Variants in TLE1 observed in about 807,000 individuals in gnomAD.
TLE1 encodes transducin-like enhancer protein 1.
Under a neutral mutation model 89.8 loss-of-function variants are expected in TLE1, and 21 were observed. The observed-to-expected ratio is 0.23, with a 90% CI of 0.17 to 0.34. The LOEUF (loss-of-function observed/expected upper bound fraction) is 0.34, where lower values mean the gene tolerates loss of function less well. TLE1 is among the 10% of genes least tolerant of loss of function. The pLI, the probability that TLE1 is intolerant of heterozygous loss-of-function variation, is 1.00. For synonymous variants in TLE1, 447 were observed against 407.6 expected (o/e 1.10, Z -1.16); for missense variants, 795 against 1,031.2 (o/e 0.77, Z 3.14).
At chr9:81,686,217 G>A (rs919964386) in intron 2 of TLE1, among the ~76,000 whole-genome samples, 1 of 152,140 alleles carries the variant, frequency 6.6e-6, no homozygotes, top group African/African-American at 2.4e-5. Flanking sequence ...TTGTTTCTCT[G>A]TACTCCACCA....
At chr9:81,644,311 G>A (rs1464489198) in intron 6 of TLE1, among the ~76,000 whole-genome samples, 9 of 152,128 alleles carry the variant, frequency 5.9e-5, no homozygotes, top group Admixed American at 5.9e-4. Flanking sequence ...CCAATCAGTG[G>A]AAATAACCTA....
Position 81,616,626 on chromosome 9 carries a change from T to C in TLE1, c.765+20A>G. The C allele has an allele frequency of 6.2e-7, 1 of 1,613,184 alleles. No individual in the cohort carries two copies. Among genetic ancestry groups the C allele is most frequent in the Non-Finnish European group, 8.5e-7 (1 of 1,179,522 alleles). On this transcript the variant is annotated intron_variant, in intron 10 of 19. Coordinates refer to ENST00000376499, the MANE Select transcript of TLE1 (RefSeq NM_005077.5). ...ATTCAAATCATTCTGAAGACAAACT[T>C]TGATGAAAAGAATGGTTACCTCATT...
chr9:81,613,404 C>G lies in TLE1; in HGVS notation c.1036G>C (p.Ala346Pro), dbSNP rs1823972740. ...GLRPGLGKPP[A>P]IDPLVNQAAA... ...GCTTGGTTAACGAGGGGGTCTATGG[C>G]TGGAGGCTTGCCGAGACCTGGACGG... Residue 346 changes from alanine to proline, a missense_variant, in exon 12 of 20, where the codon GCC (alanine) becomes CCC (proline). Ala to Pro is a conservative substitution (Grantham distance 27). Around this residue, in one of 4 missense-constraint regions of TLE1, gnomAD observed 468 missense variants for 509.1 expected, o/e 0.92. Coordinates refer to ENST00000376499, the MANE Select transcript of TLE1 (RefSeq NM_005077.5). 6.2e-7 allele frequency: 1 copy of G among 1,614,082 alleles called. No individual in the cohort carries two copies. The highest frequency in any genetic ancestry group is 8.5e-7 in the Non-Finnish European group (1 of 1,179,954).
chr9:81,636,786 C>T (rs553894846), intron 6 of TLE1, among the ~76,000 whole-genome samples: 3 of 152,060 alleles, frequency 2.0e-5, no homozygotes, highest in Non-Finnish European at 2.9e-5. Flanking sequence ...AAGTGGATCA[C>T]GAGGTCAGGA....
intron 8 of TLE1, among the ~76,000 whole-genome samples, chr9:81,626,494 T>A (rs1825923300): frequency 6.6e-6 from 1 of 152,182 alleles, no homozygotes; most frequent in Admixed American, 6.5e-5. Flanking sequence ...ATAAAACTAA[T>A]GAGATCCCCA....
chr9:81,612,184 A>C (rs1202539836), intron 12 of TLE1: 9 of 693,118 alleles, frequency 1.3e-5, no homozygotes, highest in Non-Finnish European at 1.6e-5. Flanking sequence ...CACAACCCAC[A>C]CATTTTCTCA....
intron 4 of TLE1, among the ~76,000 whole-genome samples, chr9:81,679,091 T>C (rs1833270532): frequency 6.6e-6 from 1 of 152,172 alleles, no homozygotes; most frequent in African/African-American, 2.4e-5. Flanking sequence ...GAGGCTGCAG[T>C]GAACCAAGAT....
chr9:81,634,123 T>G lies in TLE1; in HGVS notation c.551A>C (p.Lys184Thr). 1 of 1,609,430 alleles carries G rather than the reference T, an allele frequency of 6.2e-7. No individual in the cohort carries two copies. Among genetic ancestry groups the G allele is most frequent in the African/African-American group, 1.3e-5 (1 of 75,030 alleles). Residue 184 changes from lysine to threonine, a missense_variant, in exon 7 of 20, where the codon AAG becomes ACG. Coordinates refer to ENST00000376499, the MANE Select transcript of TLE1 (RefSeq NM_005077.5). ...QSHLAIKDDK[K>T]HHDAEHHRDR... The stretch of plus-strand genomic sequence containing the variant: ...TCTGTGGTGCTCTGCATCGTGGTGC[T>G]TCTTGTCATCTTTTATTGCCAAGTG...
chr9:81,596,104 A>G (rs1469826399), intron 14 of TLE1, among the ~76,000 whole-genome samples: 1 of 152,208 alleles, frequency 6.6e-6, no homozygotes, highest in Non-Finnish European at 1.5e-5. Context: ...TAAATGTTCC[A>G]GATTAAATAG....
intron 14 of TLE1, among the ~76,000 whole-genome samples, chr9:81,607,480 T>C (rs1831846459): frequency 6.6e-6 from 1 of 152,198 alleles, no homozygotes; most frequent in Admixed American, 6.5e-5. Context: ...AGTGGGGGCT[T>C]AGCAGCTGAA....
intron 4 of TLE1, among the ~76,000 whole-genome samples, chr9:81,677,995 T>C (rs1833121136): frequency 6.6e-6 from 1 of 152,212 alleles, no homozygotes; most frequent in Admixed American, 6.5e-5. Context: ...CCCAGCTTTT[T>C]CCTTCTACCC....
chr9:81,633,409 A>C, intron 7 of TLE1, 45 bp from the exon 8 acceptor site: 1 of 1,613,960 alleles, frequency 6.2e-7, no homozygotes, highest in Non-Finnish European at 8.5e-7. Context: ...GCCCGTTCAG[A>C]CACAGAGGCA....
intron 7 of TLE1, 79 bp from the exon 8 acceptor site, chr9:81,633,443 G>C: frequency 7.5e-6 from 12 of 1,605,714 alleles, no homozygotes; most frequent in Non-Finnish European, 1.0e-5. Context: ...AAAAAAGGGG[G>C]GAATAATTAG....
intron 4 of TLE1, among the ~76,000 whole-genome samples, chr9:81,675,698 G>GTTTGTTTTTTTTTTTTTTTTTTT (rs1554701835): frequency 1.4e-4 from 18 of 129,670 alleles, no homozygotes; most frequent in African/African-American, 5.6e-4. Flanking sequence ...ACTCACACTA[G>GTTTGTTTTTTTTTTTTTTTTTTT]TTTTTTTTTG....
chr9:81,624,047 G>A (rs1158855423), intron 8 of TLE1, among the ~76,000 whole-genome samples: 1 of 152,088 alleles, frequency 6.6e-6, no homozygotes, highest in African/African-American at 2.4e-5. Flanking sequence ...TCTCAGAAGA[G>A]TGATTTTTAA....
intron 8 of TLE1, among the ~76,000 whole-genome samples, chr9:81,623,068 A>G (rs1045162821): frequency 5.9e-4 from 90 of 152,280 alleles, no homozygotes; most frequent in African/African-American, 2.0e-3. Context: ...GTTCCAGCCT[A>G]ATGAGCTTCG....
At chr9:81,640,058 T>C (rs904049157) in intron 6 of TLE1, among the ~76,000 whole-genome samples, 2 of 152,046 alleles carry the variant, frequency 1.3e-5, no homozygotes, top group Non-Finnish European at 2.9e-5. Context: ...GGGAAAAGAA[T>C]GCTACTGGTG....
At chr9:81,612,043 G>C in intron 12 of TLE1, 84 bp from the exon 13 acceptor site, 1 of 1,110,518 alleles carries the variant, frequency 9.0e-7, no homozygotes. Context: ...TCATTTGTTA[G>C]TGTCACTCAT....
At chr9:81,618,027 A>AAACAAC (rs5898750) in intron 9 of TLE1, among the ~76,000 whole-genome samples, 6 of 151,510 alleles carry the variant, frequency 4.0e-5, no homozygotes, top group East Asian at 2.0e-4. Context: ...CTCCGTCTCA[A>AAACAAC]AACAACAACA....
Sources: gnomAD v4.1 joint callset for allele counts (sites outside exome capture counted in the v4.1 genomes callset) on GRCh38, gnomAD v4.1.1 for gene constraint, gnomAD v4.1.1 regional missense constraint, MANE v1.5 for transcripts, NCBI Gene and HGNC (gene_info 2026-07-23, HGNC 2026-07-21) for gene names.